ATXN7L3: variants seen among roughly 807,000 people sequenced by gnomAD.
ATXN7L3 encodes the protein ataxin 7 like 3.
ATXN7L3 carries 6 observed loss-of-function variants against 50.0 expected under a neutral mutation model. The observed-to-expected ratio is 0.12, with a 90% CI of 0.07 to 0.24. ATXN7L3 has a LOEUF of 0.24. Ranked by LOEUF, ATXN7L3 falls within the 10% of genes least tolerant of loss-of-function variation. The probability of loss-of-function intolerance (pLI) is 1.00; values close to 1 mark genes in which losing one functional copy is unlikely to be tolerated. For synonymous variants in ATXN7L3, 198 were observed against 165.8 expected (o/e 1.19, Z -1.49); for missense variants, 322 against 451.3 (o/e 0.71, Z 2.60).
intron 2 of ATXN7L3, 92 bp downstream of exon 2, chr17:44,197,927 AC>A: frequency 1.3e-6 from 2 of 1,538,208 alleles, no homozygotes; most frequent in Non-Finnish European, 9.0e-7. Context: ...AACAAGGCTG[AC>A]TACCCAAATT....
At position 44,196,326 on chromosome 17, in the gene ATXN7L3, A is replaced by G. The variant is rs369506993; in HGVS notation, c.477+70T>C. ...CAGCCTTGAGTCATGACACTCGAGG[A>G]CTCCCTGCCCAAAGGGGAGGGTATC... On this transcript the variant is annotated intron_variant, in intron 6 of 12. Transcript: ENST00000587097. 1.4e-4 allele frequency: 221 copies of G among 1,587,696 alleles called. 1 individual carries two copies. Among genetic ancestry groups the G allele is most frequent in the Non-Finnish European group, 1.9e-4 (215 of 1,161,490 alleles).
At position 44,194,348 on chromosome 17, in the gene ATXN7L3, G is replaced by C. The variant is rs1322848628; in HGVS notation, c.959C>G (p.Thr320Ser). 2 of 1,614,234 alleles carry C rather than the reference G, an allele frequency of 1.2e-6. No individual in the cohort carries two copies. Among genetic ancestry groups the C allele is most frequent in the Admixed American group, 3.3e-5 (2 of 60,030 alleles). The change falls in exon 13 of 13, where the codon ACT (threonine) becomes AGT (serine). Residue 320 changes from threonine (T) to serine (S), a missense_variant. By Grantham distance (58) the Thr-to-Ser change is moderately conservative. Transcript: ENST00000587097. ...KKKSHLSLVGTASGLGSNKKK... is the reference protein window; with the variant it reads ...KKKSHLSLVGSASGLGSNKKK... ...CTTGTTGGAACCTAGGCCGGAGGCA[G>C]TCCCTACCAGGCTCAGATGGGATTT...
chr17:44,192,789 T>G lies in ATXN7L3; in HGVS notation c.*1474A>C, dbSNP rs1431440333. The G allele has an allele frequency of 6.6e-6, 1 of 152,148 alleles. No homozygotes were observed. Among genetic ancestry groups the G allele is most frequent in the Non-Finnish European group, 1.5e-5 (1 of 68,022 alleles). The allele number at this position is 152,148 out of a possible 1,614,324, so 9.4% of individuals were successfully genotyped here. ...CATCTCTGTTGTTCCCTTAACCCTCTAGGGTCCCTAACCCGATCAGTCCAA... is the reference window on the plus strand; with the variant it reads ...CATCTCTGTTGTTCCCTTAACCCTCGAGGGTCCCTAACCCGATCAGTCCAA... On this transcript the variant is annotated 3_prime_UTR_variant, in exon 13 of 13. Coordinates refer to ENST00000587097, the MANE Select transcript of ATXN7L3 (RefSeq NM_001382309.1).
In ATXN7L3 at chr17:44,195,808, G is replaced by C. The variant is rs368688195; in HGVS notation, c.544C>G (p.Pro182Ala). ...GGGCGGCCCATACTCACCTTAAAAG[G>C]ATCCGAATTGCTAAGTTCCCCTGAA... ...HKNGELSNSD[P>A]FKYNNSTGIS... Residue 182 changes from proline to alanine, a missense_variant, in exon 8 of 13, where the codon CCT becomes GCT. Pro to Ala is a conservative substitution (Grantham distance 27). Transcript: ENST00000587097. 1 of 1,610,652 alleles carries C rather than the reference G, an allele frequency of 6.2e-7. No individual in the cohort carries two copies. Among genetic ancestry groups the C allele is most frequent in the Non-Finnish European group, 8.5e-7 (1 of 1,177,738 alleles).
chr17:44,196,386 C>T lies in ATXN7L3; in HGVS notation c.477+10G>A, dbSNP rs529105554. ...CCCATTATTTCCCCAATGCCTGGCC[C>T]GGCTCTCACCTTGTCTGACTTTCTC... On this transcript the variant is annotated intron_variant, in intron 6 of 12. Coordinates refer to ENST00000587097, the MANE Select transcript of ATXN7L3 (RefSeq NM_001382309.1). The T allele has an allele frequency of 6.8e-6, 11 of 1,613,972 alleles. No homozygotes were observed. The highest frequency in any genetic ancestry group is 4.5e-5 in the East Asian group (2 of 44,862).
At chr17:44,196,280 C>A in intron 6 of ATXN7L3, 116 bp downstream of exon 6, 1 of 1,028,508 alleles carries the variant, frequency 9.7e-7, no homozygotes, top group Non-Finnish European at 1.4e-6. Context: ...ACCAAAGACA[C>A]CCTCAAGCCC....
chr17:44,196,244 C>T lies in ATXN7L3; in HGVS notation c.477+152G>A, dbSNP rs2055885709. Reference sequence around the variant, plus strand: ...TGTGCCCTCCCCCACCCCCCTTCCCCACCCACACTCCCCCGCCCCGGACCC... The same window carrying T: ...TGTGCCCTCCCCCACCCCCCTTCCCTACCCACACTCCCCCGCCCCGGACCC... On this transcript the variant is annotated intron_variant, in intron 6 of 12. Coordinates refer to ENST00000587097, the MANE Select transcript of ATXN7L3 (RefSeq NM_001382309.1). 4 of 814,760 alleles carry T rather than the reference C, an allele frequency of 4.9e-6. No homozygotes were observed. In the Admixed American group the frequency reaches 7.5e-5, roughly 15 times the overall value. The allele number at this position is 814,760 out of a possible 1,614,324, so 50.5% of individuals were successfully genotyped here.
Position 44,198,120 on chromosome 17 carries a change from C to A in ATXN7L3, c.-50G>T, listed in dbSNP as rs761253733. The A allele has an allele frequency of 1.3e-6, 2 of 1,577,898 alleles. No homozygotes were observed. The highest frequency in any genetic ancestry group is 1.7e-5 in the Admixed American group (1 of 58,624). On this transcript the variant is annotated 5_prime_UTR_variant, in exon 2 of 13. Transcript: ENST00000587097. ...CTCTGACTGCTCATAGCACAGCGGG[C>A]GGCAACACGGCTGCACACACGGGGG...
In ATXN7L3 at chr17:44,194,122, A is replaced by T; in HGVS notation, c.*141T>A. ...ACTTTGACACCCCCCAGGGGCGCAT[A>T]ATCGGATCCTCTGCCTGCCTGGCCC... On this transcript the variant is annotated 3_prime_UTR_variant, in exon 13 of 13. Transcript: ENST00000587097. 8.7e-7 allele frequency: 1 copy of T among 1,152,660 alleles called. No homozygotes were observed. The highest frequency in any genetic ancestry group is 1.2e-6 in the Non-Finnish European group (1 of 814,064). 71.4% of individuals were successfully genotyped at this position (1,152,660 alleles called of 1,614,324 possible). A position where few individuals can be genotyped will look rare whatever the true frequency, so the allele number is the denominator to read the frequency against.
Position 44,194,294 on chromosome 17 carries a change from G to A in ATXN7L3, c.1013C>T (p.Pro338Leu), listed in dbSNP as rs370420234. Residue 338 changes from proline (P) to leucine (L), a missense_variant, in exon 13 of 13, where the codon CCG (proline) becomes CTG (leucine). This residue lies in a region of ATXN7L3 where 122 missense variants were observed against 130.8 expected (regional missense o/e 0.93). Coordinates refer to ENST00000587097, the MANE Select transcript of ATXN7L3 (RefSeq NM_001382309.1). ...KKKKPKPPAP[P>L]TPSIYDDIN is the part of the protein sequence containing the mutation. ...GATGTCATCATAGATGCTGGGCGTCGGGGGTGCCGGTGGCTTTGGCTTCTT... is the reference window on the plus strand; with the variant it reads ...GATGTCATCATAGATGCTGGGCGTCAGGGGTGCCGGTGGCTTTGGCTTCTT... 116 of 1,614,156 alleles carry A rather than the reference G, an allele frequency of 7.2e-5. No individual in the cohort carries two copies. Among genetic ancestry groups the A allele is most frequent in the Non-Finnish European group, 9.3e-5 (110 of 1,180,012 alleles).
rs1472262871 is a variant in ATXN7L3, at chr17:44,192,019, G to A, written c.*2244C>T. On this transcript the variant is annotated 3_prime_UTR_variant, in exon 13 of 13. Transcript: ENST00000587097. ...GGCCCCTGGGCATGCGGGGGGGAGT[G>A]ATGCATGGAAGGAAAAGCCACCGGC... 1 of 152,726 alleles carries A rather than the reference G, an allele frequency of 6.5e-6. No individual in the cohort carries two copies. Among genetic ancestry groups the A allele is most frequent in the Non-Finnish European group, 1.5e-5 (1 of 68,266 alleles). The allele number at this position is 152,726 out of a possible 1,614,324, so 9.5% of individuals were successfully genotyped here. A position where few individuals can be genotyped will look rare whatever the true frequency, so the allele number is the denominator to read the frequency against.
intron 5 of ATXN7L3, 30 bp downstream of exon 5, chr17:44,196,899 C>A (rs780116478): frequency 1.3e-6 from 2 of 1,538,740 alleles, no homozygotes; most frequent in South Asian, 2.2e-5. Context: ...CATCCCAATG[C>A]CCCCCGGGTT....
rs527841240 is a variant in ATXN7L3 at position 44,193,657 on chromosome 17, G to C, written c.*606C>G. Reference sequence around the variant, plus strand: ...GGACTGAGGGGAAAGGGCTGCCCCTGTGAGGGGCAGGGAAGGTGGCGGCAG... The same window carrying C: ...GGACTGAGGGGAAAGGGCTGCCCCTCTGAGGGGCAGGGAAGGTGGCGGCAG... On this transcript the variant is annotated 3_prime_UTR_variant, in exon 13 of 13. Transcript: ENST00000587097. The C allele has an allele frequency of 5.9e-5, 9 of 152,582 alleles. No individual in the cohort carries two copies. Among genetic ancestry groups the C allele is most frequent in the African/African-American group, 1.4e-4 (6 of 41,566 alleles). 9.5% of individuals were successfully genotyped at this position (152,582 alleles called of 1,614,324 possible). A position where few individuals can be genotyped will look rare whatever the true frequency, so the allele number is the denominator to read the frequency against.
chr17:44,197,389 G>C lies in ATXN7L3; in HGVS notation c.195C>G (p.Asp65Glu). The change falls in exon 4 of 13, where the codon GAC becomes GAG. Residue 65 changes from aspartate (D) to glutamate (E), a missense_variant. Asp to Glu is a conservative substitution (Grantham distance 45, BLOSUM62 2). Transcript: ENST00000587097. ...PDSMKDFEIV[D>E]QPGLDIFGQV... is the part of the protein sequence containing the mutation. Reference sequence around the variant, plus strand: ...GTCCAAAGATGTCCAAGCCCGGCTGGTCCACGATCTCTGGGGACAGGAGAG... The same window carrying C: ...GTCCAAAGATGTCCAAGCCCGGCTGCTCCACGATCTCTGGGGACAGGAGAG... 1 of 1,597,702 alleles carries C rather than the reference G, an allele frequency of 6.3e-7. No individual in the cohort carries two copies.
chr17:44,197,407 C>G lies in ATXN7L3; in HGVS notation c.185-8G>C. The G allele has an allele frequency of 6.3e-7, 1 of 1,588,480 alleles. No individual in the cohort carries two copies. Among genetic ancestry groups the G allele is most frequent in the Non-Finnish European group, 8.6e-7 (1 of 1,163,642 alleles). On this transcript the variant is annotated splice_polypyrimidine_tract_variant and splice_region_variant and intron_variant, in intron 3 of 12. Transcript: ENST00000587097. ...CCGGCTGGTCCACGATCTCTGGGGA[C>G]AGGAGAGGCTGGCGATCAGGGTGGG... is the stretch of plus-strand genomic sequence containing the variant.
At chr17:44,196,264 G>T in intron 6 of ATXN7L3, 132 bp downstream of exon 6, 1 of 268,512 alleles carries the variant, frequency 3.7e-6, no homozygotes, top group Non-Finnish European at 6.0e-6. Flanking sequence ...CCCCCGCCCC[G>T]GACCCACCAA....
intron 9 of ATXN7L3, 102 bp downstream of exon 9, chr17:44,195,317 C>G (rs73316164): frequency 3.6e-6 from 5 of 1,386,676 alleles, no homozygotes; most frequent in Non-Finnish European, 5.1e-6. Flanking sequence ...GAGAACGATA[C>G]GGCCCTGACT....
chr17:44,192,480 TCCTC>T lies in ATXN7L3; in HGVS notation c.*1779_*1782del, dbSNP rs1315258898. On this transcript the variant is annotated 3_prime_UTR_variant, in exon 13 of 13. Coordinates refer to ENST00000587097, the MANE Select transcript of ATXN7L3 (RefSeq NM_001382309.1). ...CAGAAGGGAGAGTGGCCCACAGCCTTCCTCCCTTCACCTTCAGCCCACTCCCCAG... is the reference window on the plus strand; with the variant it reads ...CAGAAGGGAGAGTGGCCCACAGCCTTCCTTCACCTTCAGCCCACTCCCCAG... The T allele has an allele frequency of 6.6e-6, 1 of 151,886 alleles. No individual in the cohort carries two copies. The highest frequency in any genetic ancestry group is 1.5e-5 in the Non-Finnish European group (1 of 68,046). 9.4% of individuals were successfully genotyped at this position (151,886 alleles called of 1,614,324 possible). A position where few individuals can be genotyped will look rare whatever the true frequency, so the allele number is the denominator to read the frequency against.
At chr17:44,194,998 G>A (rs2055831769) in intron 10 of ATXN7L3, 99 bp downstream of exon 10, 1 of 1,505,698 alleles carries the variant, frequency 6.6e-7, no homozygotes. Flanking sequence ...GAAGGGGAAG[G>A]GCAGGAGCCC....
Sources: allele counts gnomAD v4.1 joint callset, GRCh38; gene constraint gnomAD v4.1.1; regional missense constraint gnomAD v4.1.1; transcripts MANE v1.5; gene names NCBI Gene and HGNC (gene_info 2026-07-23, HGNC 2026-07-21).